Variants in FGF13 observed in about 807,000 individuals in gnomAD.
The protein encoded by FGF13 is fibroblast growth factor 13, also known as fibroblast growth factor homologous factor 2.
FGF13 carries 2 observed loss-of-function variants against 19.5 expected under a neutral mutation model. The ratio of observed to expected loss-of-function variants is 0.10; its 90% CI spans 0.04 to 0.32. FGF13 has a LOEUF of 0.32. FGF13 is among the 10% of genes least tolerant of loss of function. FGF13 has a pLI of 1.00. For synonymous variants in FGF13, 72 were observed against 76.9 expected (o/e 0.94, Z 0.33); for missense variants, 113 against 192.7 (o/e 0.59, Z 2.45).
chrX:138,789,719 G>A (rs1021913990), intron 3 of FGF13, among the ~76,000 whole-genome samples: 8 of 109,785 alleles, frequency 7.3e-5, no homozygotes, highest in Non-Finnish European at 1.5e-4. Context: ...TCAGGCTGCT[G>A]TAACAAAGGA....
At position 138,808,994 on chromosome X, in the gene FGF13, A is replaced by G. The variant is rs771373634; in HGVS notation, c.217+48518T>C. ...AAAAAGTCCAGGACCTGATGGATTCACAGCCGAATTCTACCAGAGTTACAA... is the reference window on the plus strand; with the variant it reads ...AAAAAGTCCAGGACCTGATGGATTCGCAGCCGAATTCTACCAGAGTTACAA... On this transcript the variant is annotated intron_variant, in intron 3 of 6. Coordinates refer to the FGF13 transcript ENST00000436198. 3.6e-5 allele frequency among the ~76,000 whole-genome samples: 4 copies of G among 111,937 alleles called. No homozygotes were observed. The South Asian group carries it at 1.5e-3, about 42-fold the overall frequency.
At chrX:138,896,913 A>G (rs954041556) in intron 1 of FGF13, among the ~76,000 whole-genome samples, 11 of 111,981 alleles carry the variant, frequency 9.8e-5, no homozygotes, top group Admixed American at 8.5e-4. Context: ...ATGATGGCAG[A>G]TGACGGTGAG....
At chrX:139,062,823 T>C (rs1157185511) in intron 1 of FGF13, among the ~76,000 whole-genome samples, 1 of 111,773 alleles carries the variant, frequency 8.9e-6, no homozygotes, top group Non-Finnish European at 1.9e-5. Context: ...TTTACTTAGG[T>C]AGATAGGAAT....
intron 1 of FGF13, among the ~76,000 whole-genome samples, chrX:138,976,330 T>G (rs1394127948): frequency 9.0e-6 from 1 of 111,516 alleles, no homozygotes; most frequent in Non-Finnish European, 1.9e-5. Flanking sequence ...ATAAAGAAAA[T>G]GTAGTATATA....
rs147334260 is a variant in FGF13, at chrX:138,960,342, T to C, written c.-112-95692A>G. The stretch of plus-strand genomic sequence containing the variant: ...AATTCTTTTCTTTAAGAATGTTGAA[T>C]ATTGGCCCCCACTCTCTTCTGTCTT... On this transcript the variant is annotated intron_variant, in intron 1 of 2. Transcript: ENST00000421460. Among the ~76,000 whole-genome samples, 775 of 112,055 alleles carry C rather than the reference T, an allele frequency of 6.9e-3. 6 individuals are homozygous for C. The highest frequency in any genetic ancestry group is 0.022 in the African/African-American group (692 of 30,849).
intron 1 of FGF13, among the ~76,000 whole-genome samples, chrX:139,199,264 C>A (rs2084397087): frequency 1.8e-5 from 2 of 112,139 alleles, no homozygotes; most frequent in South Asian, 7.4e-4. Context: ...AGGTAATAGA[C>A]ATGTAGGATC....
chrX:139,093,020 A>G (rs901020212), intron 1 of FGF13, among the ~76,000 whole-genome samples: 4 of 108,816 alleles, frequency 3.7e-5, no homozygotes, highest in African/African-American at 1.4e-4. Flanking sequence ...TGGAACCACC[A>G]CAAGCAAGCA....
chrX:139,067,230 G>C (rs1472146993), intron 1 of FGF13, among the ~76,000 whole-genome samples: 1 of 111,681 alleles, frequency 9.0e-6, no homozygotes, highest in Admixed American at 9.5e-5. Flanking sequence ...CACAAGACAA[G>C]GATGCCCTCT....
At chrX:138,781,853 G>A (rs1227372409) in intron 3 of FGF13, among the ~76,000 whole-genome samples, 19 of 111,353 alleles carry the variant, frequency 1.7e-4, no homozygotes, top group Admixed American at 7.6e-4. Context: ...GAGACACAAC[G>A]AAAAAAGAGA....
At chrX:138,685,604 G>A (rs1656204264) in intron 3 of FGF13, among the ~76,000 whole-genome samples, 1 of 111,424 alleles carries the variant, frequency 9.0e-6, no homozygotes, top group Admixed American at 9.6e-5. Context: ...CACTTGACAA[G>A]TGCACACAGT....
intron 1 of FGF13, among the ~76,000 whole-genome samples, chrX:139,021,480 C>G (rs138994933): frequency 0.041 from 4,614 of 111,325 alleles, 236 homozygotes; most frequent in African/African-American, 0.14. Flanking sequence ...CTGTCAAAAA[C>G]TGCCAGACCA....
chrX:138,967,089 G>A (rs186048828), intron 1 of FGF13, among the ~76,000 whole-genome samples: 155 of 110,994 alleles, frequency 1.4e-3, no homozygotes, highest in African/African-American at 4.9e-3. Flanking sequence ...TCTTGGGTAT[G>A]TCCTTATAGC....
At chrX:139,204,379 C>T, upstream of FGF13, 1 of 246,051 alleles carries the variant, frequency 4.1e-6, no homozygotes, top group Non-Finnish European at 7.1e-6. Context: ...GCTCGCCGCG[C>T]TCAAGAAGTG....
chrX:139,064,767 T>C (rs2092349547), intron 1 of FGF13, among the ~76,000 whole-genome samples: 1 of 111,746 alleles, frequency 8.9e-6, no homozygotes, highest in Admixed American at 9.5e-5. Context: ...AAGAGTGTTT[T>C]CCAACTTGGT....
At chrX:139,100,041 A>AACACAC (rs56821859) in intron 1 of FGF13, among the ~76,000 whole-genome samples, 10,161 of 76,266 alleles carry the variant, frequency 0.13, 688 homozygotes, top group East Asian at 0.21. Flanking sequence ...GGGGAAAGCA[A>AACACAC]ACACACACAC....
intron 3 of FGF13, among the ~76,000 whole-genome samples, chrX:138,679,709 G>A (rs768260560): frequency 2.9e-3 from 324 of 112,126 alleles, no homozygotes; most frequent in Non-Finnish European, 4.2e-3. Context: ...CCTTTGGCAA[G>A]TCATATCTTT....
At chrX:138,812,689 C>A (rs1187536446) in intron 3 of FGF13, among the ~76,000 whole-genome samples, 1 of 111,538 alleles carries the variant, frequency 9.0e-6, no homozygotes, top group Non-Finnish European at 1.9e-5. Flanking sequence ...AGATTTGTAA[C>A]ATTTTCTTTT....
intron 1 of FGF13, among the ~76,000 whole-genome samples, chrX:138,947,930 G>A (rs1208841826): frequency 9.0e-6 from 1 of 111,420 alleles, no homozygotes; most frequent in African/African-American, 3.3e-5. Context: ...TGTGCACAGA[G>A]GAAAGACCAT....
intron 1 of FGF13, among the ~76,000 whole-genome samples, chrX:139,023,527 T>C (rs960676315): frequency 9.0e-6 from 1 of 111,109 alleles, no homozygotes; most frequent in African/African-American, 3.3e-5. Context: ...TGTGATCCAG[T>C]CATTACATTT....
Sources: allele counts gnomAD v4.1 joint callset (sites outside exome capture counted in the v4.1 genomes callset), GRCh38; gene constraint gnomAD v4.1.1; transcripts MANE v1.5; gene names NCBI Gene and HGNC (gene_info 2026-07-23, HGNC 2026-07-21).